SPOCK3: variants seen among roughly 807,000 people sequenced by gnomAD.
The protein encoded by SPOCK3 is testican-3.
A neutral mutation model predicts 56.6 loss-of-function variants in SPOCK3; 30 were observed. That is an observed-to-expected ratio of 0.53 (90% CI 0.40 to 0.72). The LOEUF (loss-of-function observed/expected upper bound fraction) is 0.72. Among genes scored for constraint, SPOCK3 ranks in the 30% least tolerant of loss-of-function variants. The pLI, the probability that SPOCK3 is intolerant of heterozygous loss-of-function variation, is 0.00. For missense variants in SPOCK3, 527 were observed against 530.0 expected, an observed-to-expected ratio of 0.99 and a Z score of 0.06; for synonymous variants, 196 against 183.3, an observed-to-expected ratio of 1.07 and a Z score of -0.56.
At chr4:167,182,980 C>T (rs1432144396) in intron 2 of SPOCK3, among the ~76,000 whole-genome samples, 1 of 152,166 alleles carries the variant, frequency 6.6e-6, no homozygotes, top group African/African-American at 2.4e-5. Context: ...ATGTGATTTG[C>T]TTTGAAGGCA....
At chr4:166,933,448 C>T (rs1036499883) in intron 4 of SPOCK3, among the ~76,000 whole-genome samples, 1 of 152,168 alleles carries the variant, frequency 6.6e-6, no homozygotes, top group Non-Finnish European at 1.5e-5. Flanking sequence ...CAGGGAATCC[C>T]TCCCTGAATG....
In SPOCK3 at chr4:167,108,460, C is replaced by T. The variant is rs531295931; in HGVS notation, c.190-45923G>A. On this transcript the variant is annotated intron_variant, in intron 2 of 10. Transcript: ENST00000357545. ...AAAATGTGGTAAATATACACAATGG[C>T]ATACTATTCAGCCATAAAAAGGATG... Among the ~76,000 whole-genome samples, 140 of 151,854 alleles carry T rather than the reference C, an allele frequency of 9.2e-4. 5 individuals are homozygous for T. The South Asian group carries it at 0.028, about 30-fold the overall frequency.
Position 167,198,088 on chromosome 4 carries a change from T to A in SPOCK3, c.189+35897A>T, listed in dbSNP as rs533177694. ...CTGTATTTAATTCCCTAAAACAGAA[T>A]ATAGCTGGAATCAGATTATACATAT... On this transcript the variant is annotated intron_variant, in intron 2 of 10. Transcript: ENST00000357545. Among the ~76,000 whole-genome samples the A allele has an allele frequency of 5.9e-5, 9 of 152,316 alleles. No homozygotes were observed. The South Asian group carries it at 1.2e-3, about 21-fold the overall frequency.
intron 2 of SPOCK3, among the ~76,000 whole-genome samples, chr4:167,097,772 T>C (rs1350787629): frequency 2.0e-5 from 3 of 151,606 alleles, no homozygotes; most frequent in African/African-American, 7.3e-5. Context: ...CTATTCACAA[T>C]AGTAAAGCCA....
At chr4:166,813,216 C>G (rs1043000860) in intron 6 of SPOCK3, among the ~76,000 whole-genome samples, 7 of 152,006 alleles carry the variant, frequency 4.6e-5, no homozygotes, top group African/African-American at 1.4e-4. Flanking sequence ...CACTAATGGC[C>G]TGTAGGACAA....
At chr4:167,013,661 G>A (rs953715001) in intron 3 of SPOCK3, among the ~76,000 whole-genome samples, 4 of 151,632 alleles carry the variant, frequency 2.6e-5, no homozygotes, top group Admixed American at 6.6e-5. Flanking sequence ...TTGTCTTTCC[G>A]GTGTTAGAAC....
chr4:166,766,866 A>G (rs13125863), intron 7 of SPOCK3, among the ~76,000 whole-genome samples: 50,164 of 151,666 alleles, frequency 0.33, 8,455 homozygotes, highest in Admixed American at 0.42. Context: ...CAATTTCGGA[A>G]CCTGTTATTG....
chr4:166,844,081 A>T (rs555408889), intron 6 of SPOCK3, among the ~76,000 whole-genome samples: 1 of 152,224 alleles, frequency 6.6e-6, no homozygotes, highest in Non-Finnish European at 1.5e-5. Context: ...CGGCTGAGCC[A>T]GCCCAGACTG....
chr4:167,176,225 T>C (rs952016731), intron 2 of SPOCK3, among the ~76,000 whole-genome samples: 2 of 152,120 alleles, frequency 1.3e-5, no homozygotes, highest in Non-Finnish European at 2.9e-5. Flanking sequence ...TCTTCCAGTC[T>C]CAAATACTTA....
In SPOCK3 at chr4:166,734,926, T is replaced by A; in HGVS notation, c.1297A>T (p.Ile433Phe). 1 of 1,536,754 alleles carries A rather than the reference T, an allele frequency of 6.5e-7. No individual in the cohort carries two copies. Among genetic ancestry groups the A allele is most frequent in the Non-Finnish European group, 8.9e-7 (1 of 1,121,236 alleles). Reference protein sequence around the residue: ...DDGGDDHDVYI With the variant: ...DDGGDDHDVYF The stretch of plus-strand genomic sequence containing the variant: ...TTGATTTCAACTGTCATCAATCAAA[T>A]GTATACATCATGGTCATCACCACCA... Residue 433 changes from isoleucine (I) to phenylalanine (F), a missense_variant, in exon 11 of 11, where the codon ATT becomes TTT. Coordinates refer to ENST00000357545, the MANE Select transcript of SPOCK3 (RefSeq NM_001040159.2).
chr4:166,915,488 T>C (rs1158965005), intron 4 of SPOCK3, among the ~76,000 whole-genome samples: 5 of 152,214 alleles, frequency 3.3e-5, no homozygotes, highest in Non-Finnish European at 5.9e-5. Flanking sequence ...TTAATACCTG[T>C]GTATGATATA....
intron 5 of SPOCK3, among the ~76,000 whole-genome samples, chr4:166,900,009 C>A (rs993795411): frequency 6.6e-6 from 1 of 152,182 alleles, no homozygotes; most frequent in Non-Finnish European, 1.5e-5. Context: ...CTCAACTAAA[C>A]CAACAGACTG....
chr4:167,046,450 C>CTTTTTTTT (rs67108499), intron 3 of SPOCK3, among the ~76,000 whole-genome samples: 53 of 53,684 alleles, frequency 9.9e-4, no homozygotes, highest in Non-Finnish European at 1.3e-3. Flanking sequence ...TTCTGATATT[C>CTTTTTTTT]TTTTTTTTTT....
At chr4:167,123,742 T>C (rs1194098710) in intron 2 of SPOCK3, among the ~76,000 whole-genome samples, 7 of 105,166 alleles carry the variant, frequency 6.7e-5, no homozygotes, top group Admixed American at 2.5e-4. Flanking sequence ...TTTCTTTTCT[T>C]TTTTTTTTTT....
At chr4:166,991,236 T>G (rs1467098415) in intron 4 of SPOCK3, among the ~76,000 whole-genome samples, 1 of 152,132 alleles carries the variant, frequency 6.6e-6, no homozygotes, top group African/African-American at 2.4e-5. Flanking sequence ...AGATAATGGC[T>G]GATATGAAAC....
At chr4:166,843,178 C>A (rs925954399) in intron 6 of SPOCK3, among the ~76,000 whole-genome samples, 4 of 152,088 alleles carry the variant, frequency 2.6e-5, no homozygotes, top group Admixed American at 2.0e-4. Flanking sequence ...TCCCTCCACA[C>A]CCCCCCGCAA....
rs1734283118 is a variant in SPOCK3, at chr4:166,887,113, A to G, written c.589+2017T>C. On this transcript the variant is annotated intron_variant, in intron 6 of 10. Coordinates refer to ENST00000357545, the MANE Select transcript of SPOCK3 (RefSeq NM_001040159.2). ...TACACACTATACAGAAAATTTGACA[A>G]TATGAAAAATAATTATTGTTTATTC... is the stretch of plus-strand genomic sequence containing the variant. 2.6e-5 allele frequency among the ~76,000 whole-genome samples: 4 copies of G among 152,298 alleles called. No homozygotes were observed. The South Asian group carries it at 8.3e-4, about 32-fold the overall frequency.
chr4:166,812,895 G>T (rs1339380642), intron 6 of SPOCK3, among the ~76,000 whole-genome samples: 1 of 151,934 alleles, frequency 6.6e-6, no homozygotes, highest in Non-Finnish European at 1.5e-5. Context: ...TATCATCAAA[G>T]GTATGGCTTT....
chr4:167,222,877 ATT>A (rs1452091707), intron 2 of SPOCK3, among the ~76,000 whole-genome samples: 26 of 128,240 alleles, frequency 2.0e-4, no homozygotes, highest in Admixed American at 1.9e-3. Flanking sequence ...ATAGATATAT[ATT>A]GATATATGAA....
Sources: gnomAD v4.1 joint callset for allele counts (sites outside exome capture counted in the v4.1 genomes callset) on GRCh38, gnomAD v4.1.1 for gene constraint, MANE v1.5 for transcripts, NCBI Gene and HGNC (gene_info 2026-07-23, HGNC 2026-07-21) for gene names.